The following BIRC2 variants were observed in gnomAD, a reference collection of about 807,000 sequenced individuals.
BIRC2 encodes baculoviral IAP repeat-containing protein 2.
In BIRC2, 18 loss-of-function variants were observed where a neutral mutation model predicts 60.9. That is an observed-to-expected ratio of 0.30 (90% CI 0.20 to 0.44). The LOEUF (loss-of-function observed/expected upper bound fraction) is 0.44, where lower values mean the gene tolerates loss of function less well. BIRC2 is among the 20% of genes least tolerant of loss of function. The probability of loss-of-function intolerance (pLI) is 1.00; values close to 1 mark genes in which losing one functional copy is unlikely to be tolerated. For missense variants in BIRC2, 701 were observed against 728.5 expected (o/e 0.96, Z 0.43); for synonymous variants, 282 against 247.7 (o/e 1.14, Z -1.30).
intron 3 of BIRC2, among the ~76,000 whole-genome samples, chr11:102,352,985 A>C (rs1412506640): frequency 6.6e-6 from 1 of 152,136 alleles, no homozygotes; most frequent in Non-Finnish European, 1.5e-5. Flanking sequence ...ATTAATATTA[A>C]TAATATATCA....
At chr11:102,352,830 T>G (rs927517221) in intron 3 of BIRC2, among the ~76,000 whole-genome samples, 2 of 152,242 alleles carry the variant, frequency 1.3e-5, no homozygotes, top group African/African-American at 4.8e-5. Flanking sequence ...TGAGTGTCTT[T>G]CACAATAATG....
chr11:102,347,702 C>T (rs1037811054), intron 1 of BIRC2: 8 of 152,214 alleles, frequency 5.3e-5, no homozygotes, highest in Admixed American at 3.9e-4. Flanking sequence ...TAAACTTAGC[C>T]CTCGGCGTTC....
intron 5 of BIRC2, 128 bp from the exon 6 acceptor site, chr11:102,368,178 C>T (rs1013659487): frequency 1.1e-5 from 11 of 1,027,104 alleles, no homozygotes; most frequent in Non-Finnish European, 1.6e-5. Flanking sequence ...TATAGGTAAT[C>T]GATGCATATA....
At chr11:102,374,713 C>T (rs889951571) in intron 6 of BIRC2, among the ~76,000 whole-genome samples, 7 of 152,216 alleles carry the variant, frequency 4.6e-5, no homozygotes, top group African/African-American at 1.7e-4. Context: ...GAGTTCCTGG[C>T]TGCTTTGTTT....
chr11:102,348,765 G>C lies in BIRC2; in HGVS notation c.-1090G>C. On this transcript the variant is annotated 5_prime_UTR_variant, in exon 2 of 9. Coordinates refer to ENST00000227758, the MANE Select transcript of BIRC2 (RefSeq NM_001166.5). ...ACATTGAAGAGTTTTCAGAAAGAAG[G>C]CTAGTAGAGTTGATTACTGATACTT... 5.4e-6 allele frequency: 2 copies of C among 373,464 alleles called. No individual in the cohort carries two copies. The highest frequency in any genetic ancestry group is 1.0e-5 in the Non-Finnish European group (2 of 193,084). The allele number at this position is 373,464 out of a possible 1,614,324, so 23.1% of individuals were successfully genotyped here.
At chr11:102,360,303 G>T (rs1050251279) in intron 3 of BIRC2, among the ~76,000 whole-genome samples, 1 of 151,660 alleles carries the variant, frequency 6.6e-6, no homozygotes, top group African/African-American at 2.4e-5. Flanking sequence ...TTGCTTGATG[G>T]TGTCCTATAA....
chr11:102,368,689 T>C, intron 6 of BIRC2, 141 bp downstream of exon 6: 1 of 1,166,752 alleles, frequency 8.6e-7, no homozygotes, highest in Non-Finnish European at 1.2e-6. Context: ...CATCCCTCCT[T>C]TTCTACCCCT....
At chr11:102,377,816 G>A in intron 7 of BIRC2, 41 bp from the exon 8 acceptor site, 1 of 1,594,646 alleles carries the variant, frequency 6.3e-7, no homozygotes, top group South Asian at 1.2e-5. Flanking sequence ...GCTCAGTTTT[G>A]TATTTAGTAG....
intron 6 of BIRC2, among the ~76,000 whole-genome samples, chr11:102,374,239 G>A (rs1296357751): frequency 6.6e-6 from 1 of 151,448 alleles, no homozygotes; most frequent in African/African-American, 2.4e-5. Context: ...AAGAGGAGAG[G>A]CGCTCTGCGT....
chr11:102,356,262 C>G (rs1951419020), intron 3 of BIRC2, among the ~76,000 whole-genome samples: 1 of 146,114 alleles, frequency 6.8e-6, no homozygotes, highest in South Asian at 2.2e-4. Flanking sequence ...GTGGCGCAAT[C>G]TGAGCTCACT....
At position 102,377,915 on chromosome 11, in the gene BIRC2, A is replaced by T. The variant is rs1439791030; in HGVS notation, c.1663+17A>T. On this transcript the variant is annotated intron_variant, in intron 8 of 8. Coordinates refer to ENST00000227758, the MANE Select transcript of BIRC2 (RefSeq NM_001166.5). ...ATGTTTCAGGTAAAACAAAGATTTA[A>T]AACCAACATGAACTATTACCCTTTT... 3 of 1,610,004 alleles carry T rather than the reference A, an allele frequency of 1.9e-6. No homozygotes were observed. Among genetic ancestry groups the T allele is most frequent in the Non-Finnish European group, 2.5e-6 (3 of 1,178,852 alleles).
intron 6 of BIRC2, among the ~76,000 whole-genome samples, chr11:102,373,345 T>A (rs1181326757): frequency 6.6e-6 from 1 of 152,204 alleles, no homozygotes; most frequent in Non-Finnish European, 1.5e-5. Flanking sequence ...CTTCCGGAGC[T>A]CTTTTAGGGC....
Position 102,377,689 on chromosome 11 carries a change from G to A in BIRC2, c.1560G>A (p.Ala520=), listed in dbSNP as rs531059441. The A allele has an allele frequency of 1.8e-4, 283 of 1,610,566 alleles. 3 individuals are homozygous for A. In the South Asian group the frequency reaches 2.5e-3, roughly 14 times the overall value. Residue 520 remains alanine (A), a synonymous_variant, in exon 7 of 9, where the codon GCG becomes GCA. Transcript: ENST00000227758. ...IDTILVKGNA[A]ANIFKNCLKE... ...CCATTTTGGTTAAAGGAAATGCTGC[G>A]GCCAACATCTTCAAAAACTGTCTAA...
At chr11:102,360,480 T>C (rs1591536639) in intron 3 of BIRC2, among the ~76,000 whole-genome samples, 1 of 152,124 alleles carries the variant, frequency 6.6e-6, no homozygotes, top group East Asian at 1.9e-4. Flanking sequence ...CTCCCGAATT[T>C]GTTTCTTTTT....
At chr11:102,375,779 C>G (rs953487229) in intron 6 of BIRC2, among the ~76,000 whole-genome samples, 1 of 74,708 alleles carries the variant, frequency 1.3e-5, no homozygotes, top group African/African-American at 5.3e-5. Context: ...GACTCCATCT[C>G]AAAAAAAAAA....
intron 3 of BIRC2, among the ~76,000 whole-genome samples, chr11:102,361,585 A>G (rs1407936884): frequency 6.6e-6 from 1 of 152,118 alleles, no homozygotes; most frequent in East Asian, 1.9e-4. Flanking sequence ...AAAGTAGGCT[A>G]CTGGGGTTGG....
chr11:102,361,867 G>A (rs573029579), intron 3 of BIRC2, among the ~76,000 whole-genome samples: 1 of 134,086 alleles, frequency 7.5e-6, no homozygotes, highest in East Asian at 2.1e-4. Flanking sequence ...CTTTATTGCT[G>A]TAGGCTGATT....
chr11:102,358,719 A>G (rs1213823182), intron 3 of BIRC2, among the ~76,000 whole-genome samples: 3 of 152,190 alleles, frequency 2.0e-5, no homozygotes, highest in East Asian at 3.8e-4. Flanking sequence ...CTCATTATAT[A>G]ATTACTTTCT....
chr11:102,372,739 G>A (rs1404502834), intron 6 of BIRC2, among the ~76,000 whole-genome samples: 11 of 129,950 alleles, frequency 8.5e-5, no homozygotes, highest in Non-Finnish European at 1.6e-4. Context: ...TTTCTGTCTC[G>A]TTGATCTGTC....
Sources: allele counts gnomAD v4.1 joint callset (sites outside exome capture counted in the v4.1 genomes callset), GRCh38; gene constraint gnomAD v4.1.1; transcripts MANE v1.5; gene names NCBI Gene and HGNC (gene_info 2026-07-23, HGNC 2026-07-21).